POLI: variants seen among roughly 807,000 people sequenced by gnomAD.
POLI encodes the protein RAD30 homolog B.
A neutral mutation model predicts 51.6 loss-of-function variants in POLI; 58 were observed. That is an observed-to-expected ratio of 1.12 (90% confidence interval 0.91 to 1.40). The LOEUF (loss-of-function observed/expected upper bound fraction) is 1.40, where lower values mean the gene tolerates loss of function less well. Among genes scored for constraint, POLI ranks in the 40% most tolerant of loss-of-function variants. The pLI is 0.00. For synonymous variants in POLI, 322 were observed against 299.7 expected, an observed-to-expected ratio of 1.07 and a Z score of -0.77; for missense variants, 921 against 871.3, an observed-to-expected ratio of 1.06 and a Z score of -0.72.
Position 54,273,895 on chromosome 18 carries a change from G to A in POLI, c.242-31G>A, listed in dbSNP as rs368313763. On this transcript the variant is annotated intron_variant, in intron 2 of 9. Transcript: ENST00000579534. ...ATCTTTAAATGTTTTCTTCAATTGTGCTTGGGTTTCTCATAAAATATTTTT... is the reference window on the plus strand; with the variant it reads ...ATCTTTAAATGTTTTCTTCAATTGTACTTGGGTTTCTCATAAAATATTTTT... 10 of 1,319,198 alleles carry A rather than the reference G, an allele frequency of 7.6e-6. No homozygotes were observed. In the African/African-American group the frequency reaches 1.4e-4, roughly 18 times the overall value. The allele number at this position is 1,319,198 out of a possible 1,614,324, so 81.7% of individuals were successfully genotyped here.
At position 54,297,810 on chromosome 18, in the gene POLI, T is replaced by C. The variant is rs1264255340; in HGVS notation, c.*3343T>C. The C allele has an allele frequency of 2.1e-6, 2 of 957,494 alleles. No individual in the cohort carries two copies. Among genetic ancestry groups the C allele is most frequent in the East Asian group, 2.3e-4 (2 of 8,738 alleles). 59.3% of individuals were successfully genotyped at this position (957,494 alleles called of 1,614,324 possible). ...ACAAGTTCTTTATTAAATCTCCAAA[T>C]TGGATATTATTAGTATTTTATATAG... is the stretch of plus-strand genomic sequence containing the variant. On this transcript the variant is annotated 3_prime_UTR_variant, in exon 10 of 10. Transcript: ENST00000579534.
chr18:54,291,859 G>A lies in POLI; in HGVS notation c.1225G>A (p.Val409Ile), dbSNP rs976356228. 4 of 1,587,026 alleles carry A rather than the reference G, an allele frequency of 2.5e-6. No homozygotes were observed. The South Asian group carries it at 3.3e-5, about 13-fold the overall frequency. The part of the protein sequence containing the change: ...TGNYDVMTPM[V>I]DILMKLFRNM... ...AAATTATGATGTGATGACCCCAATG[G>A]TTGATATACTTATGAAACTTTTTCG... is the stretch of plus-strand genomic sequence containing the variant. Residue 409 changes from valine (V) to isoleucine (I), a missense_variant, in exon 9 of 10, where the codon GTT (valine) becomes ATT (isoleucine). Physicochemically the swap from Val to Ile is conservative, Grantham distance 29 (BLOSUM62 3). Coordinates refer to ENST00000579534, the MANE Select transcript of POLI (RefSeq NM_007195.3).
At chr18:54,303,767 T>A (rs1426077569) in intron 3 of POLI, among the ~76,000 whole-genome samples, 1 of 152,098 alleles carries the variant, frequency 6.6e-6, no homozygotes, top group Non-Finnish European at 1.5e-5. Context: ...TTTCTTTTTT[T>A]TTTTTTTAAT....
rs1405945200 is a variant in POLI, at chr18:54,288,637, C to T, written c.1198+1226C>T. ...GCTGCTCTGTTTATTTTTCTGTAGTCTTTTTTTTTTTCCGTTTTTTCTTAC... is the reference window on the plus strand; with the variant it reads ...GCTGCTCTGTTTATTTTTCTGTAGTTTTTTTTTTTTTCCGTTTTTTCTTAC... On this transcript the variant is annotated intron_variant, in intron 8 of 9. Coordinates refer to ENST00000579534, the MANE Select transcript of POLI (RefSeq NM_007195.3). 2.7e-5 allele frequency among the ~76,000 whole-genome samples: 4 copies of T among 145,610 alleles called. No homozygotes were observed. In the East Asian group the frequency reaches 5.9e-4, roughly 22 times the overall value.
intron 1 of POLI, chr18:54,270,131 C>T (rs2086938275): frequency 3.0e-6 from 2 of 669,460 alleles, no homozygotes; most frequent in African/African-American, 3.9e-5. Flanking sequence ...ACTTCCAGCT[C>T]TGGTCTTTAC....
intron 3 of POLI, among the ~76,000 whole-genome samples, chr18:54,313,403 T>A (rs1174667033): frequency 1.3e-5 from 2 of 152,194 alleles, no homozygotes; most frequent in Non-Finnish European, 2.9e-5. Flanking sequence ...TCCCCAGCTT[T>A]GTTCTTTTTG....
Position 54,269,634 on chromosome 18 carries a change from G to C in POLI, c.88G>C (p.Asp30His). The change falls in exon 1 of 10, where the codon GAC becomes CAC. Residue 30 changes from aspartate to histidine, a missense_variant. Physicochemically the swap from Asp to His is moderately conservative, Grantham distance 81 (BLOSUM62 -1). Coordinates refer to ENST00000579534, the MANE Select transcript of POLI (RefSeq NM_007195.3). ...DAEAWAMELADVGAAASSQGV... is the reference protein window; with the variant it reads ...DAEAWAMELAHVGAAASSQGV... ...CGAGGCCTGGGCCATGGAACTGGCGGACGTGGGGGCGGCAGCCAGCTCGCA... is the reference window on the plus strand; with the variant it reads ...CGAGGCCTGGGCCATGGAACTGGCGCACGTGGGGGCGGCAGCCAGCTCGCA... The C allele has an allele frequency of 6.6e-7, 1 of 1,508,866 alleles. No homozygotes were observed. The highest frequency in any genetic ancestry group is 8.8e-7 in the Non-Finnish European group (1 of 1,131,462). The allele number at this position is 1,508,866 out of a possible 1,614,324, so 93.5% of individuals were successfully genotyped here.
At position 54,295,715 on chromosome 18, in the gene POLI, C is replaced by T. The variant is rs1290275633; in HGVS notation, c.*1248C>T. The T allele has an allele frequency of 9.4e-6, 2 of 212,204 alleles. No homozygotes were observed. The highest frequency in any genetic ancestry group is 1.6e-5 in the Non-Finnish European group (2 of 123,088). The allele number at this position is 212,204 out of a possible 1,614,324, so 13.1% of individuals were successfully genotyped here. A position where few individuals can be genotyped will look rare whatever the true frequency, so the allele number is the denominator to read the frequency against. ...CAATCCCAGCTCACTACAACCTCCG[C>T]CTCCCAGGTTCAAGCAATTCTCCTG... On this transcript the variant is annotated 3_prime_UTR_variant, in exon 10 of 10. Coordinates refer to ENST00000579534, the MANE Select transcript of POLI (RefSeq NM_007195.3).
chr18:54,318,107 GT>G (rs551479159), intron 3 of POLI, among the ~76,000 whole-genome samples: 3 of 151,720 alleles, frequency 2.0e-5, no homozygotes, highest in Admixed American at 6.6e-5. Context: ...GTTCTGAGAG[GT>G]TTTTTTTGTA....
chr18:54,275,169 A>C (rs978868613), intron 3 of POLI: 5 of 152,220 alleles, frequency 3.3e-5, no homozygotes, highest in African/African-American at 1.2e-4. Context: ...AATAGAAATA[A>C]AATCATAAGG....
At chr18:54,288,971 CT>C (rs1477756076) in intron 8 of POLI, among the ~76,000 whole-genome samples, 1 of 152,024 alleles carries the variant, frequency 6.6e-6, no homozygotes, top group Non-Finnish European at 1.5e-5. Flanking sequence ...ACTGCTTTTC[CT>C]CCCAAATATG....
At chr18:54,279,902 A>C (rs576008627) in intron 4 of POLI, among the ~76,000 whole-genome samples, 36 of 152,338 alleles carry the variant, frequency 2.4e-4, no homozygotes, top group African/African-American at 8.7e-4. Context: ...CTTGTTATAT[A>C]ATAATACTTC....
chr18:54,273,381 C>A (rs2087093377), intron 2 of POLI, among the ~76,000 whole-genome samples: 1 of 138,884 alleles, frequency 7.2e-6, no homozygotes, highest in South Asian at 2.2e-4. Context: ...CAATTATTTT[C>A]ATCCGTTTTT....
chr18:54,282,106 G>A (rs940234218), intron 5 of POLI, among the ~76,000 whole-genome samples: 1 of 152,096 alleles, frequency 6.6e-6, no homozygotes, highest in Admixed American at 6.6e-5. Context: ...ATGGATAAAT[G>A]TGTGGTGGTG....
At chr18:54,303,914 C>G (rs1012592224) in intron 3 of POLI, among the ~76,000 whole-genome samples, 2 of 151,464 alleles carry the variant, frequency 1.3e-5, no homozygotes, top group East Asian at 3.9e-4. Context: ...CCTCCCCCAT[C>G]CCCCCACCCC....
chr18:54,295,996 A>G lies in POLI; in HGVS notation c.*1529A>G. ...AAAATATGCTAACACGAAGGATTGT[A>G]AATAGGTAGTTTGAGGTTATCAGGA... On this transcript the variant is annotated 3_prime_UTR_variant, in exon 10 of 10. Transcript: ENST00000579534. 3 of 984,914 alleles carry G rather than the reference A, an allele frequency of 3.0e-6. No individual in the cohort carries two copies. The highest frequency in any genetic ancestry group is 3.6e-6 in the Non-Finnish European group (3 of 829,478). 61.0% of individuals were successfully genotyped at this position (984,914 alleles called of 1,614,324 possible).
Position 54,280,780 on chromosome 18 carries a change from G to A in POLI, c.673G>A (p.Ala225Thr). ...QLGLTGCAGV[A>T]SNKLLAKLVS... Reference sequence around the variant, plus strand: ...GGGGCTCACTGGCTGTGCTGGAGTGGCTTCTAATAAACTGTTGGCAAAATT... The same window carrying A: ...GGGGCTCACTGGCTGTGCTGGAGTGACTTCTAATAAACTGTTGGCAAAATT... The change falls in exon 5 of 10, where the codon GCT (alanine) becomes ACT (threonine). Residue 225 changes from alanine to threonine, a missense_variant. Ala to Thr is a moderately conservative substitution (Grantham distance 58). Coordinates refer to ENST00000579534, the MANE Select transcript of POLI (RefSeq NM_007195.3). 6.2e-7 allele frequency: 1 copy of A among 1,613,646 alleles called. No individual in the cohort carries two copies. The highest frequency in any genetic ancestry group is 8.5e-7 in the Non-Finnish European group (1 of 1,179,630).
intron 3 of POLI, among the ~76,000 whole-genome samples, chr18:54,308,913 C>A (rs1206136798): frequency 2.0e-5 from 3 of 152,172 alleles, no homozygotes; most frequent in African/African-American, 7.2e-5. Flanking sequence ...AGTTCTTGTG[C>A]CATGGTTTTC....
intron 3 of POLI, among the ~76,000 whole-genome samples, chr18:54,316,089 A>AT (rs1170872181): frequency 2.0e-5 from 3 of 151,872 alleles, no homozygotes; most frequent in Non-Finnish European, 4.4e-5. Flanking sequence ...CTAATTTGCT[A>AT]TTTTTTGTAG....
Sources: gnomAD v4.1 joint callset for allele counts (sites outside exome capture counted in the v4.1 genomes callset) on GRCh38, gnomAD v4.1.1 for gene constraint, MANE v1.5 for transcripts, NCBI Gene and HGNC (gene_info 2026-07-23, HGNC 2026-07-21) for gene names.